KLC2: variants seen among roughly 807,000 people sequenced by gnomAD.
KLC2 encodes the protein kinesin light chain 2, also known as KLC 2.
KLC2 carries 35 observed loss-of-function variants against 75.1 expected under a neutral mutation model. The observed-to-expected ratio is 0.47, with a 90% confidence interval of 0.36 to 0.62. The LOEUF is 0.62. Ranked by LOEUF, KLC2 falls within the 20% of genes least tolerant of loss-of-function variation. KLC2 has a pLI of 0.00. For missense variants in KLC2, 611 were observed against 833.2 expected, an observed-to-expected ratio of 0.73 and a Z score of 3.28; for synonymous variants, 314 against 336.7, an observed-to-expected ratio of 0.93 and a Z score of 0.74.
upstream of KLC2, among the ~76,000 whole-genome samples, chr11:66,256,550 C>T (rs1470660073): frequency 6.6e-6 from 1 of 152,172 alleles, no homozygotes; most frequent in Non-Finnish European, 1.5e-5. Context: ...GATCGTGCCA[C>T]TGCACTCCAG....
At chr11:66,251,447 G>A in the KLC2 span, among the ~76,000 whole-genome samples, 23 of 135,458 alleles carry the variant, frequency 1.7e-4, 2 homozygotes, top group East Asian at 5.9e-4. Flanking sequence ...TGCCAAGATC[G>A]CGCCACTGCA....
upstream of KLC2, among the ~76,000 whole-genome samples, chr11:66,254,236 A>ATT (rs1163134518): frequency 6.6e-6 from 1 of 152,086 alleles, no homozygotes; most frequent in Non-Finnish European, 1.5e-5. Context: ...CAAACAAACA[A>ATT]ACAAAAAAGC....
Position 66,263,969 on chromosome 11 carries a change from C to T in KLC2, c.942+17C>T, listed in dbSNP as rs753722744. The T allele has an allele frequency of 3.1e-6, 5 of 1,612,874 alleles. No individual in the cohort carries two copies. The African/African-American group carries it at 5.3e-5, about 17-fold the overall frequency. On this transcript the variant is annotated intron_variant, in intron 7 of 15. Coordinates refer to ENST00000394067, the MANE Select transcript of KLC2 (RefSeq NM_001318734.2). ...CGGGAGAAGGTGGGAACAGGCAGGG[C>T]TGGGCAGGCTGGGGGTCTGGGAGGC...
At chr11:66,264,470 C>G (rs370965053) in intron 9 of KLC2, 26 bp downstream of exon 9, 1 of 1,514,278 alleles carries the variant, frequency 6.6e-7, no homozygotes, top group Non-Finnish European at 9.2e-7. Context: ...CCAGGTGCCT[C>G]TAGCCCATCC....
chr11:66,254,326 A>G (rs182110231), upstream of KLC2, among the ~76,000 whole-genome samples: 149 of 152,014 alleles, frequency 9.8e-4, no homozygotes, highest in African/African-American at 3.2e-3. Context: ...CTGAAACAGC[A>G]CTTTCAATCC....
At position 66,263,008 on chromosome 11, in the gene KLC2, A is replaced by G; in HGVS notation, c.724A>G (p.Met242Val). 6.2e-7 allele frequency: 1 copy of G among 1,614,038 alleles called. No homozygotes were observed. The highest frequency in any genetic ancestry group is 8.5e-7 in the Non-Finnish European group (1 of 1,179,918). ...CCACGACCACCCTGACGTTGCCACC[A>G]TGCTGAACATCCTGGCACTGGTCTA... is the stretch of plus-strand genomic sequence containing the variant. Reference protein sequence around the residue: ...SGHDHPDVATMLNILALVYRD... With the variant: ...SGHDHPDVATVLNILALVYRD... Residue 242 changes from methionine to valine, a missense_variant, in exon 5 of 16, where the codon ATG becomes GTG. By Grantham distance (21) the Met-to-Val change is conservative. Transcript: ENST00000394067.
the KLC2 span, among the ~76,000 whole-genome samples, chr11:66,248,722 TTCTG>T: frequency 6.6e-6 from 1 of 152,034 alleles, no homozygotes; most frequent in Admixed American, 6.5e-5. Context: ...CGTTTGGTCA[TTCTG>T]TCTTCTTTTT....
chr11:66,262,542 A>G, intron 4 of KLC2: 1 of 560,432 alleles, frequency 1.8e-6, no homozygotes, highest in Non-Finnish European at 3.2e-6. Flanking sequence ...GGTACTGGTT[A>G]TGCATCGGGG....
Position 66,265,682 on chromosome 11 carries a change from C to T in KLC2, c.1362C>T (p.Ser454=), listed in dbSNP as rs140065701. The T allele has an allele frequency of 7.3e-5, 118 of 1,613,710 alleles. No individual in the cohort carries two copies. Among genetic ancestry groups the T allele is most frequent in the Admixed American group, 2.5e-4 (15 of 59,970 alleles). The part of the protein sequence containing the change: ...DSPTVNTTLR[S]LGALYRRQGK... The stretch of plus-strand genomic sequence containing the variant: ...CCACAGTCAACACCACCCTGCGCAG[C>T]TTGGGGGCCCTATACCGGCGCCAGG... The change falls in exon 12 of 16, where the codon AGC becomes AGT. Residue 454 remains serine, a synonymous_variant. Transcript: ENST00000394067.
In KLC2 at chr11:66,262,146, A is replaced by G. The variant is rs1479906575; in HGVS notation, c.483A>G (p.Lys161=). 6.2e-7 allele frequency: 1 copy of G among 1,613,426 alleles called. No individual in the cohort carries two copies. Among genetic ancestry groups the G allele is most frequent in the East Asian group, 2.2e-5 (1 of 44,864 alleles). The change falls in exon 4 of 16, where the codon AAA becomes AAG. Residue 161 remains lysine, a synonymous_variant. Transcript: ENST00000394067. ...AGGAGGAGAAGGGGGACGTCCCCAA[A>G]GACACACTGGATGACCTGTTCCCCA... ...SPNEEKGDVP[K]DTLDDLFPNE... is the part of the protein sequence containing the mutation.
intron 15 of KLC2, 117 bp downstream of exon 15, chr11:66,266,607 G>A (rs1372658695): frequency 2.6e-6 from 3 of 1,166,390 alleles, no homozygotes; most frequent in Admixed American, 1.8e-5. Context: ...TCTGTCTCAG[G>A]CCTACTTTGG....
chr11:66,261,808 G>T lies in KLC2; in HGVS notation c.295G>T (p.Val99Leu). 1 of 1,613,258 alleles carries T rather than the reference G, an allele frequency of 6.2e-7. No homozygotes were observed. ...AGAGAAGCAGAAGCTGCGGGCGCAG[G>T]TGCGGCGTCTGGTGCAGGAGAACCA... ...ESEKQKLRAQ[V>L]RRLVQENQWL... Residue 99 changes from valine (V) to leucine (L), a missense_variant, in exon 3 of 16, where the codon GTG becomes TTG. Coordinates refer to ENST00000394067, the MANE Select transcript of KLC2 (RefSeq NM_001318734.2).
At chr11:66,254,502 C>CA (rs1182761684), upstream of KLC2, among the ~76,000 whole-genome samples, 6 of 151,192 alleles carry the variant, frequency 4.0e-5, no homozygotes, top group Admixed American at 1.3e-4. Flanking sequence ...CCCATCTCTA[C>CA]AAAAAATAAA....
In KLC2 at chr11:66,267,732, C is replaced by T. The variant is rs1238629561; in HGVS notation, c.*776C>T. The T allele has an allele frequency of 4.2e-6, 2 of 475,272 alleles. No homozygotes were observed. Among genetic ancestry groups the T allele is most frequent in the African/African-American group, 2.0e-5 (1 of 48,900 alleles). The allele number at this position is 475,272 out of a possible 1,614,324, so 29.4% of individuals were successfully genotyped here. On this transcript the variant is annotated 3_prime_UTR_variant, in exon 16 of 16. Transcript: ENST00000394067. ...AGCCATCCTGCCTCGCCTCCCCCCA[C>T]GCCTGCAGCTTCTCGCGAGGGGCGG...
chr11:66,245,323 G>T, the KLC2 span, among the ~76,000 whole-genome samples: 1 of 152,352 alleles, frequency 6.6e-6, no homozygotes, highest in South Asian at 2.1e-4. Context: ...GCTCACGCCT[G>T]TAATCCCAGC....
chr11:66,262,874 G>A lies in KLC2; in HGVS notation c.590G>A (p.Arg197Gln), dbSNP rs1002722175. Residue 197 changes from arginine to glutamine, a missense_variant, in exon 5 of 16, where the codon CGG (arginine) becomes CAG (glutamine). Transcript: ENST00000394067. The part of the protein sequence containing the change: ...GQHGGYEIPA[R>Q]LRTLHNLVIQ... Reference sequence around the variant, plus strand: ...CATGGGGGCTACGAGATCCCGGCCCGGCTCCGCACCCTGCACAACCTGGTG... The same window carrying A: ...CATGGGGGCTACGAGATCCCGGCCCAGCTCCGCACCCTGCACAACCTGGTG... 7 of 1,613,576 alleles carry A rather than the reference G, an allele frequency of 4.3e-6. No individual in the cohort carries two copies. Among genetic ancestry groups the A allele is most frequent in the Non-Finnish European group, 5.9e-6 (7 of 1,179,926 alleles).
At chr11:66,258,938 C>G in intron 2 of KLC2, 116 bp downstream of exon 2, 1 of 696,848 alleles carries the variant, frequency 1.4e-6, no homozygotes, top group South Asian at 1.8e-5. Flanking sequence ...CCTGGAGCCC[C>G]ATGTTAGGAC....
intron 2 of KLC2, among the ~76,000 whole-genome samples, chr11:66,259,374 C>T (rs980620486): frequency 1.3e-5 from 2 of 152,202 alleles, no homozygotes; most frequent in African/African-American, 2.4e-5. Context: ...AAATGACAAA[C>T]TGAAACCTGA....
chr11:66,251,337 C>T, the KLC2 span, among the ~76,000 whole-genome samples: 1 of 124,852 alleles, frequency 8.0e-6, no homozygotes, highest in African/African-American at 2.7e-5. Flanking sequence ...ACTAAAAATA[C>T]AAAAATTAAC....
Sources: gnomAD v4.1 joint callset for allele counts (sites outside exome capture counted in the v4.1 genomes callset) on GRCh38, gnomAD v4.1.1 for gene constraint, MANE v1.5 for transcripts, NCBI Gene and HGNC (gene_info 2026-07-23, HGNC 2026-07-21) for gene names.